Variants in LGSN observed in about 807,000 individuals in gnomAD.
LGSN encodes the protein lengsin.
In LGSN, 21 loss-of-function variants were observed where a neutral mutation model predicts 19.5. The ratio of observed to expected loss-of-function variants is 1.07; its 90% confidence interval spans 0.76 to 1.55. The LOEUF (loss-of-function observed/expected upper bound fraction) is 1.55. Among genes scored for constraint, LGSN ranks in the 40% most tolerant of loss-of-function variants. LGSN has a pLI of 0.00. For missense variants in LGSN, 673 were observed against 608.5 expected, an observed-to-expected ratio of 1.11 and a Z score of -1.12; for synonymous variants, 257 against 215.6, an observed-to-expected ratio of 1.19 and a Z score of -1.68.
At chr6:63,502,927 G>T in the LGSN span, among the ~76,000 whole-genome samples, 1 of 152,124 alleles carries the variant, frequency 6.6e-6, no homozygotes, top group Admixed American at 6.6e-5. Context: ...TATGCTCTAT[G>T]CTCATCAGTA....
the LGSN span, among the ~76,000 whole-genome samples, chr6:63,470,956 T>G: frequency 3.7e-5 from 4 of 108,564 alleles, no homozygotes; most frequent in African/African-American, 1.1e-4. Flanking sequence ...TTTTTTTTTT[T>G]TGAGACAGAG....
chr6:63,354,944 G>A, the LGSN span, among the ~76,000 whole-genome samples: 3 of 152,026 alleles, frequency 2.0e-5, no homozygotes, highest in African/African-American at 7.2e-5. Flanking sequence ...TGATCTCTTG[G>A]ATGTACAGAG....
chr6:63,295,292 T>C (rs891767797), intron 1 of LGSN, among the ~76,000 whole-genome samples: 8 of 152,202 alleles, frequency 5.3e-5, no homozygotes, highest in Non-Finnish European at 2.9e-5. Context: ...ATTAAGTAAA[T>C]TAAAATCGTG....
chr6:63,357,154 C>T, the LGSN span, among the ~76,000 whole-genome samples: 3 of 152,210 alleles, frequency 2.0e-5, no homozygotes, highest in East Asian at 5.8e-4. Context: ...CTGCAAAGGA[C>T]ATGAACTCAT....
the LGSN span, among the ~76,000 whole-genome samples, chr6:63,391,563 T>G: frequency 6.6e-6 from 1 of 152,216 alleles, no homozygotes; most frequent in Non-Finnish European, 1.5e-5. Flanking sequence ...AAGGTCTGTG[T>G]TAGCTTTTAC....
chr6:63,280,469 G>A lies in LGSN; in HGVS notation c.1082C>T (p.Pro361Leu). The change falls in exon 4 of 4, where the codon CCT (proline) becomes CTT (leucine). Residue 361 changes from proline to leucine, a missense_variant. Coordinates refer to ENST00000370657, the MANE Select transcript of LGSN (RefSeq NM_016571.3). ...HSAALSCLMA[P>L]SVSCRKRYSK... ...ATAACGCTTTCGGCAGCTAACAGAA[G>A]GCGCCATCAGGCAGCTGAGCGCAGC... 4.3e-6 allele frequency: 7 copies of A among 1,614,132 alleles called. No homozygotes were observed. Among genetic ancestry groups the A allele is most frequent in the South Asian group, 1.1e-5 (1 of 91,086 alleles).
chr6:63,552,295 A>AT, the LGSN span, among the ~76,000 whole-genome samples: 1 of 151,908 alleles, frequency 6.6e-6, no homozygotes, highest in Admixed American at 6.6e-5. Flanking sequence ...GATGGTGAGC[A>AT]TTTTTTCATG....
chr6:63,281,304 AATATAT>A (rs1223943140), intron 3 of LGSN, 84 bp from the exon 4 acceptor site: 6 of 135,776 alleles, frequency 4.4e-5, no homozygotes, highest in Middle Eastern at 3.0e-3. Flanking sequence ...TGCTAATGAA[AATATAT>A]ATATATATAT....
chr6:63,454,137 T>C, the LGSN span, among the ~76,000 whole-genome samples: 47 of 152,360 alleles, frequency 3.1e-4, no homozygotes, highest in African/African-American at 1.1e-3. Flanking sequence ...CAGATTTTAA[T>C]ATTTTTAGTG....
intron 2 of LGSN, among the ~76,000 whole-genome samples, chr6:63,288,674 G>A (rs1767645845): frequency 6.6e-6 from 1 of 152,170 alleles, no homozygotes; most frequent in African/African-American, 2.4e-5. Flanking sequence ...TAGTTCTGAA[G>A]GCTAGAGGTC....
chr6:63,339,391 C>T, the LGSN span, among the ~76,000 whole-genome samples: 1 of 152,120 alleles, frequency 6.6e-6, no homozygotes, highest in Admixed American at 6.5e-5. Flanking sequence ...TTGATATATG[C>T]TCTTGCTGAA....
chr6:63,396,983 A>T, the LGSN span: 2 of 152,454 alleles, frequency 1.3e-5, no homozygotes, highest in African/African-American at 4.8e-5. Context: ...GGAGGCCAGA[A>T]TCCCCATCCA....
the LGSN span, among the ~76,000 whole-genome samples, chr6:63,508,650 C>T: frequency 2.6e-5 from 4 of 152,046 alleles, no homozygotes; most frequent in Non-Finnish European, 4.4e-5. Flanking sequence ...GGCACGGTGG[C>T]TCACGCCTAT....
chr6:63,295,132 C>T (rs1375552382), intron 1 of LGSN, 87 bp from the exon 2 acceptor site: 3 of 1,256,750 alleles, frequency 2.4e-6, no homozygotes, highest in Non-Finnish European at 3.4e-6. Context: ...TTGAATAGCT[C>T]AATTTTTTAA....
chr6:63,351,071 G>T, the LGSN span, among the ~76,000 whole-genome samples: 1 of 152,068 alleles, frequency 6.6e-6, no homozygotes, highest in African/African-American at 2.4e-5. Context: ...AGGCGATTAG[G>T]TTATCAGAAT....
chr6:63,557,755 G>T, the LGSN span, among the ~76,000 whole-genome samples: 1 of 152,132 alleles, frequency 6.6e-6, no homozygotes, highest in Non-Finnish European at 1.5e-5. Context: ...CTATAAGGCA[G>T]TCATGATCTT....
At chr6:63,307,336 G>A (rs1768430392) in intron 1 of LGSN, among the ~76,000 whole-genome samples, 1 of 152,206 alleles carries the variant, frequency 6.6e-6, no homozygotes, top group African/African-American at 2.4e-5. Context: ...AACCCAGCCA[G>A]TTGGCTCCAG....
the LGSN span, among the ~76,000 whole-genome samples, chr6:63,443,903 T>C: frequency 8.0e-6 from 1 of 124,890 alleles, no homozygotes; most frequent in South Asian, 2.8e-4. Context: ...TACTAAATGG[T>C]CAGCTGTCAC....
At chr6:63,389,100 C>A in the LGSN span, among the ~76,000 whole-genome samples, 1 of 152,126 alleles carries the variant, frequency 6.6e-6, no homozygotes, top group African/African-American at 2.4e-5. Context: ...TATGGCCACC[C>A]CTACGTGTAA....
Sources: gnomAD v4.1 joint callset for allele counts (sites outside exome capture counted in the v4.1 genomes callset) on GRCh38, gnomAD v4.1.1 for gene constraint, MANE v1.5 for transcripts, NCBI Gene and HGNC (gene_info 2026-07-23, HGNC 2026-07-21) for gene names.